The following STXBP5L variants were observed in gnomAD, a reference collection of about 807,000 sequenced individuals.
STXBP5L encodes syntaxin-binding protein 5-like.
In STXBP5L, 65 loss-of-function variants were observed where a neutral mutation model predicts 144.5. That is an observed-to-expected ratio of 0.45 (90% CI 0.37 to 0.55). The LOEUF is 0.55. Among genes scored for constraint, STXBP5L ranks in the 20% least tolerant of loss-of-function variants. STXBP5L has a pLI of 0.00. For synonymous variants in STXBP5L, 505 were observed against 469.6 expected, an observed-to-expected ratio of 1.08 and a Z score of -0.97; for missense variants, 1,298 against 1,405.5, an observed-to-expected ratio of 0.92 and a Z score of 1.22.
chr3:120,988,106 A>AT, intron 3 of STXBP5L, among the ~76,000 whole-genome samples: 1 of 139,968 alleles, frequency 7.1e-6, no homozygotes, highest in East Asian at 2.2e-4. Context: ...GCTGCAGTTG[A>AT]TTTTCTCTTT....
intron 3 of STXBP5L, among the ~76,000 whole-genome samples, chr3:121,036,866 C>G (rs1011261561): frequency 1.4e-5 from 2 of 139,100 alleles, no homozygotes; most frequent in East Asian, 4.1e-4. Flanking sequence ...AATGTTCAAC[C>G]AACATTGCAT....
intron 20 of STXBP5L, among the ~76,000 whole-genome samples, chr3:121,346,701 A>C (rs1458936957): frequency 2.6e-5 from 4 of 152,204 alleles, no homozygotes; most frequent in African/African-American, 9.7e-5. Flanking sequence ...TCTGATGGCC[A>C]GTGGTGATGA....
intron 20 of STXBP5L, among the ~76,000 whole-genome samples, chr3:121,365,823 T>C (rs1198613714): frequency 6.6e-6 from 1 of 151,842 alleles, no homozygotes; most frequent in Non-Finnish European, 1.5e-5. Flanking sequence ...GTTCTTTTTT[T>C]CTTTTTCTGC....
chr3:120,950,078 T>A (rs964070790), intron 2 of STXBP5L, among the ~76,000 whole-genome samples: 11 of 152,030 alleles, frequency 7.2e-5, no homozygotes, highest in South Asian at 2.1e-4. Context: ...AAAAATAATT[T>A]AAAAAAACAT....
At chr3:121,026,635 G>A (rs937168053) in intron 3 of STXBP5L, among the ~76,000 whole-genome samples, 2 of 151,936 alleles carry the variant, frequency 1.3e-5, no homozygotes, top group African/African-American at 4.8e-5. Context: ...TGAACATAGG[G>A]CAAAGACTGA....
chr3:121,396,326 G>A (rs2046729653), intron 22 of STXBP5L, among the ~76,000 whole-genome samples: 1 of 152,208 alleles, frequency 6.6e-6, no homozygotes, highest in Admixed American at 6.5e-5. Context: ...TACCAGCAAT[G>A]TGTTTAATAT....
chr3:121,318,013 C>T (rs2043841248), intron 19 of STXBP5L, among the ~76,000 whole-genome samples: 1 of 151,976 alleles, frequency 6.6e-6, no homozygotes, highest in Non-Finnish European at 1.5e-5. Flanking sequence ...GATCTATTTT[C>T]AGATAAAATT....
intron 5 of STXBP5L, among the ~76,000 whole-genome samples, chr3:121,106,933 A>G (rs551815635): frequency 6.6e-6 from 1 of 152,302 alleles, no homozygotes; most frequent in South Asian, 2.1e-4. Flanking sequence ...AATGATCACC[A>G]TTCTGACTGA....
At chr3:121,233,992 A>G (rs567293440) in intron 12 of STXBP5L, among the ~76,000 whole-genome samples, 7 of 152,280 alleles carry the variant, frequency 4.6e-5, no homozygotes, top group African/African-American at 1.2e-4. Flanking sequence ...AAACTTGTAC[A>G]ATGTGATAGC....
intron 5 of STXBP5L, among the ~76,000 whole-genome samples, chr3:121,080,927 G>A (rs887077054): frequency 6.6e-6 from 1 of 152,134 alleles, no homozygotes. Flanking sequence ...GGCCAGCAAA[G>A]TTTTCCTCAA....
At chr3:121,156,766 A>C (rs1443716588) in intron 8 of STXBP5L, among the ~76,000 whole-genome samples, 1 of 151,940 alleles carries the variant, frequency 6.6e-6, no homozygotes, top group African/African-American at 2.4e-5. Context: ...TACAAATAAA[A>C]AGACAGTATA....
At chr3:121,139,906 TTTG>T (rs1206778289) in intron 7 of STXBP5L, among the ~76,000 whole-genome samples, 3 of 151,940 alleles carry the variant, frequency 2.0e-5, no homozygotes, top group Non-Finnish European at 2.9e-5. Context: ...AGAGAAAATA[TTTG>T]TCAACTATAC....
rs1309252283 is a variant in STXBP5L at position 120,973,023 on chromosome 3, T to C, written c.287+17986T>C. Among the ~76,000 whole-genome samples, 6 of 152,120 alleles carry C rather than the reference T, an allele frequency of 3.9e-5. No homozygotes were observed. In the East Asian group the frequency reaches 9.6e-4, roughly 24 times the overall value. ...ACTCTGTTCATCAGAGATATTGATCTATAGTTTTCCTTTTTGTTGTGTGTC... is the reference window on the plus strand; with the variant it reads ...ACTCTGTTCATCAGAGATATTGATCCATAGTTTTCCTTTTTGTTGTGTGTC... On this transcript the variant is annotated intron_variant, in intron 3 of 26. Transcript: ENST00000471454.
At chr3:121,184,448 C>T (rs936779152) in intron 9 of STXBP5L, among the ~76,000 whole-genome samples, 3 of 151,074 alleles carry the variant, frequency 2.0e-5, no homozygotes, top group African/African-American at 7.3e-5. Context: ...ATAGATCAAG[C>T]AGAAGACAGG....
intron 3 of STXBP5L, among the ~76,000 whole-genome samples, chr3:120,991,613 A>C (rs1942881285): frequency 6.6e-6 from 1 of 152,244 alleles, no homozygotes; most frequent in African/African-American, 2.4e-5. Context: ...TGGATTAAGA[A>C]AATGTGGCAC....
Position 120,982,743 on chromosome 3 carries a change from G to T in STXBP5L, c.287+27706G>T, listed in dbSNP as rs72966770. 2.5e-3 allele frequency among the ~76,000 whole-genome samples: 379 copies of T among 152,102 alleles called. 2 individuals carry two copies. The highest frequency in any genetic ancestry group is 8.6e-3 in the African/African-American group (356 of 41,538). On this transcript the variant is annotated intron_variant, in intron 3 of 26. Coordinates refer to ENST00000471454, the MANE Select transcript of STXBP5L (RefSeq NM_001308330.2). ...GCAAGTGCATGCCAGCTGTGATGTT[G>T]TCAGCTGGTTGGGTTGGCCTGACTT...
At chr3:121,198,866 C>T (rs968065784) in intron 9 of STXBP5L, among the ~76,000 whole-genome samples, 1 of 152,076 alleles carries the variant, frequency 6.6e-6, no homozygotes, top group African/African-American at 2.4e-5. Flanking sequence ...GTTCCAGTAC[C>T]ATGCTGTTTT....
chr3:121,061,580 T>G (rs1317909632), intron 5 of STXBP5L, among the ~76,000 whole-genome samples: 1 of 152,148 alleles, frequency 6.6e-6, no homozygotes, highest in Non-Finnish European at 1.5e-5. Context: ...TTAAAGTCTC[T>G]CACTATTATT....
At chr3:121,332,339 A>G (rs910324613) in intron 20 of STXBP5L, among the ~76,000 whole-genome samples, 4 of 151,098 alleles carry the variant, frequency 2.6e-5, no homozygotes, top group Admixed American at 6.6e-5. Context: ...GAAAACTAAC[A>G]TGAAAAAAAA....
Sources: allele counts gnomAD v4.1 joint callset (sites outside exome capture counted in the v4.1 genomes callset), GRCh38; gene constraint gnomAD v4.1.1; transcripts MANE v1.5; gene names NCBI Gene and HGNC (gene_info 2026-07-23, HGNC 2026-07-21).